Variants in RAB11FIP4 observed in about 807,000 individuals in gnomAD.
The protein encoded by RAB11FIP4 is RAB11 family interacting protein 4, also known as rab11 family-interacting protein 4.
In RAB11FIP4, 23 loss-of-function variants were observed where a neutral mutation model predicts 74.3. That is an observed-to-expected ratio of 0.31 (90% CI 0.22 to 0.44). The LOEUF (loss-of-function observed/expected upper bound fraction) is 0.44. RAB11FIP4 is among the 20% of genes least tolerant of loss of function. The pLI is 1.00. For synonymous variants in RAB11FIP4, 360 were observed against 359.9 expected, an observed-to-expected ratio of 1.00 and a Z score of 0.00; for missense variants, 630 against 863.9, an observed-to-expected ratio of 0.73 and a Z score of 3.39.
chr17:31,420,663 T>C (rs1443414894), intron 1 of RAB11FIP4, among the ~76,000 whole-genome samples: 1 of 152,154 alleles, frequency 6.6e-6, no homozygotes, highest in Non-Finnish European at 1.5e-5. Flanking sequence ...TCTCTACCAG[T>C]CTCATTTTTA....
intron 3 of RAB11FIP4, among the ~76,000 whole-genome samples, chr17:31,481,614 G>A (rs1429703761): frequency 2.6e-5 from 4 of 152,200 alleles, no homozygotes; most frequent in Middle Eastern, 6.8e-3. Flanking sequence ...AGAGGAAAAC[G>A]AAGTTTTTCT....
intron 3 of RAB11FIP4, among the ~76,000 whole-genome samples, chr17:31,462,260 C>T (rs887058522): frequency 8.9e-5 from 13 of 146,516 alleles, no homozygotes; most frequent in Non-Finnish European, 3.0e-5. Context: ...AGCAAGACTC[C>T]ATCTCAAAAA....
At chr17:31,481,954 T>C (rs1399727117) in intron 3 of RAB11FIP4, among the ~76,000 whole-genome samples, 2 of 152,022 alleles carry the variant, frequency 1.3e-5, no homozygotes, top group Non-Finnish European at 2.9e-5. Context: ...GCTGGTGAAA[T>C]CATCCCGGCC....
At chr17:31,476,171 A>ATTTTTTTT (rs2071790111) in intron 3 of RAB11FIP4, among the ~76,000 whole-genome samples, 1 of 99,916 alleles carries the variant, frequency 1.0e-5, no homozygotes, top group African/African-American at 4.2e-5. Flanking sequence ...AATCGACTGA[A>ATTTTTTTT]CTTTTTTTTT....
At position 31,392,004 on chromosome 17, in the gene RAB11FIP4, G is replaced by T. The variant is rs901125568; in HGVS notation, c.152G>T (p.Gly51Val). Residue 51 changes from glycine to valine, a missense_variant, in exon 1 of 15, where the codon GGC (glycine) becomes GTC (valine). By Grantham distance (109) the Gly-to-Val change is moderately radical. Transcript: ENST00000621161. ...GCGCTCGGACTGCGCTTCGGCCAGG[G>T]CGAGGAGGTAAGCTGGCCCGACCCC... The part of the protein sequence containing the change: ...VAALGLRFGQ[G>V]EEVEKLVKYL... 7.5e-7 allele frequency: 1 copy of T among 1,326,552 alleles called. No homozygotes were observed. 82.2% of individuals were successfully genotyped at this position (1,326,552 alleles called of 1,614,324 possible).
At chr17:31,498,921 C>T (rs2072166743) in intron 3 of RAB11FIP4, among the ~76,000 whole-genome samples, 1 of 152,156 alleles carries the variant, frequency 6.6e-6, no homozygotes, top group African/African-American at 2.4e-5. Flanking sequence ...AAAGCAAGCC[C>T]CACAGACTCT....
chr17:31,511,482 G>A (rs1039244822), intron 3 of RAB11FIP4, among the ~76,000 whole-genome samples: 1 of 152,182 alleles, frequency 6.6e-6, no homozygotes, highest in African/African-American at 2.4e-5. Flanking sequence ...TCATCATACT[G>A]CAGTACAGTA....
chr17:31,507,103 C>T (rs547936217), intron 3 of RAB11FIP4, among the ~76,000 whole-genome samples: 39 of 152,234 alleles, frequency 2.6e-4, no homozygotes, highest in African/African-American at 7.2e-4. Context: ...TATGGTGAAA[C>T]CCTTTCTCTA....
rs536703023 is a variant in RAB11FIP4 at position 31,529,034 on chromosome 17, C to G, written c.1653+256C>G. On this transcript the variant is annotated intron_variant, in intron 13 of 14. Transcript: ENST00000621161. ...GGGTGGAGGATGAGACCATACCCAG[C>G]TGCAGTATAGTGCCTGGAGGCATTG... Among the ~76,000 whole-genome samples the G allele has an allele frequency of 4.6e-5, 7 of 151,750 alleles. No homozygotes were observed. The South Asian group carries it at 1.5e-3, about 32-fold the overall frequency.
Position 31,523,875 on chromosome 17 carries a change from C to G in RAB11FIP4, c.1030-18C>G. 1.3e-6 allele frequency: 2 copies of G among 1,589,734 alleles called. No homozygotes were observed. Among genetic ancestry groups the G allele is most frequent in the Non-Finnish European group, 1.7e-6 (2 of 1,164,590 alleles). On this transcript the variant is annotated intron_variant, in intron 8 of 14. Transcript: ENST00000621161. ...GCCTCAGAGGTCTTCTCCACCCCAC[C>G]CCGGCCCCCTGCTGCAGGTAAGCTT...
intron 3 of RAB11FIP4, among the ~76,000 whole-genome samples, chr17:31,506,179 C>A (rs558055433): frequency 2.0e-5 from 3 of 152,268 alleles, no homozygotes; most frequent in South Asian, 4.1e-4. Context: ...CAATATTGAT[C>A]TTTTAATAGG....
chr17:31,391,816 G>A lies in RAB11FIP4; in HGVS notation c.-37G>A, dbSNP rs866529197. The A allele has an allele frequency of 5.7e-5, 56 of 984,708 alleles. No individual in the cohort carries two copies. In the Middle Eastern group the frequency reaches 1.5e-3, roughly 27 times the overall value. The allele number at this position is 984,708 out of a possible 1,614,324, so 61.0% of individuals were successfully genotyped here. The stretch of plus-strand genomic sequence containing the variant: ...GCGGCGGGCAGGCGGCGGGCGCGGC[G>A]GGCGAGGGGTCCGGGCTGAGCTGCG... On this transcript the variant is annotated 5_prime_UTR_variant, in exon 1 of 15. Coordinates refer to ENST00000621161, the MANE Select transcript of RAB11FIP4 (RefSeq NM_032932.6).
intron 3 of RAB11FIP4, among the ~76,000 whole-genome samples, chr17:31,508,452 G>T (rs72625000): frequency 0.19 from 28,911 of 152,232 alleles, 3,042 homozygotes; most frequent in East Asian, 0.5. Flanking sequence ...CTGTCTGTCA[G>T]CAGGCTTCTG....
At chr17:31,462,220 C>T (rs1212126749) in intron 3 of RAB11FIP4, among the ~76,000 whole-genome samples, 1 of 151,608 alleles carries the variant, frequency 6.6e-6, no homozygotes, top group African/African-American at 2.4e-5. Context: ...GAGCCGAGAT[C>T]GTGCCACCAC....
chr17:31,398,643 G>A (rs541068769), intron 1 of RAB11FIP4, among the ~76,000 whole-genome samples: 1 of 152,386 alleles, frequency 6.6e-6, no homozygotes, highest in South Asian at 2.1e-4. Flanking sequence ...CCCATGAAGT[G>A]TGACGTTCCC....
chr17:31,432,048 C>CG (rs1330245838), intron 2 of RAB11FIP4, 148 bp downstream of exon 2: 51 of 624,370 alleles, frequency 8.2e-5, no homozygotes, highest in Admixed American at 1.2e-4. Flanking sequence ...CTCTGGCTTC[C>CG]GGGGGGGCCA....
intron 3 of RAB11FIP4, among the ~76,000 whole-genome samples, chr17:31,510,058 T>C (rs1036720265): frequency 1.4e-4 from 22 of 152,132 alleles, no homozygotes; most frequent in African/African-American, 5.3e-4. Context: ...CAAGATTGCG[T>C]ACCAGTCTCT....
At chr17:31,442,892 G>A (rs1597919286) in intron 3 of RAB11FIP4, among the ~76,000 whole-genome samples, 3 of 151,806 alleles carry the variant, frequency 2.0e-5, no homozygotes, top group South Asian at 4.2e-4. Flanking sequence ...CCCAAGAGGC[G>A]GAGGTTGCAG....
Position 31,510,546 on chromosome 17 carries a change from C to T in RAB11FIP4, c.337-7105C>T, listed in dbSNP as rs536535812. 5.3e-5 allele frequency among the ~76,000 whole-genome samples: 8 copies of T among 152,324 alleles called. No individual in the cohort carries two copies. The East Asian group carries it at 1.5e-3, about 29-fold the overall frequency. On this transcript the variant is annotated intron_variant, in intron 3 of 14. Coordinates refer to ENST00000621161, the MANE Select transcript of RAB11FIP4 (RefSeq NM_032932.6). ...GTTGCCAGGGCTGGGGGTGGATGAGCTGGAACCTCGGAGCTTCTTGGACTC... is the reference window on the plus strand; with the variant it reads ...GTTGCCAGGGCTGGGGGTGGATGAGTTGGAACCTCGGAGCTTCTTGGACTC...
Sources: gnomAD v4.1 joint callset for allele counts (sites outside exome capture counted in the v4.1 genomes callset) on GRCh38, gnomAD v4.1.1 for gene constraint, MANE v1.5 for transcripts, NCBI Gene and HGNC (gene_info 2026-07-23, HGNC 2026-07-21) for gene names.